The following TLL2 variants were observed in gnomAD, a reference collection of about 807,000 sequenced individuals.
TLL2 encodes the protein tolloid-like protein 2.
Under a neutral mutation model 123.0 loss-of-function variants are expected in TLL2, and 106 were observed. That is an observed-to-expected ratio of 0.86 (90% CI 0.74 to 1.01). TLL2 has a LOEUF of 1.01. Ranked by LOEUF, TLL2 falls within the 50% of genes least tolerant of loss-of-function variation. TLL2 has a pLI of 0.00. For synonymous variants in TLL2, 494 were observed against 516.8 expected, an observed-to-expected ratio of 0.96 and a Z score of 0.60; for missense variants, 1,332 against 1,336.7, an observed-to-expected ratio of 1.00 and a Z score of 0.06.
At chr10:96,481,031 T>C (rs980521176) in intron 1 of TLL2, among the ~76,000 whole-genome samples, 1 of 152,204 alleles carries the variant, frequency 6.6e-6, no homozygotes. Context: ...TCTGGGTTCA[T>C]GGGGATCACC....
rs1416451930 is a variant in TLL2 at position 96,387,082 on chromosome 10, G to T, written c.1727-4C>A. The T allele has an allele frequency of 5.6e-6, 9 of 1,612,250 alleles. No individual in the cohort carries two copies. Among genetic ancestry groups the T allele is most frequent in the Non-Finnish European group, 7.6e-6 (9 of 1,178,664 alleles). On this transcript the variant is annotated splice_region_variant and splice_polypyrimidine_tract_variant and intron_variant, in intron 13 of 20. Coordinates refer to ENST00000357947, the MANE Select transcript of TLL2 (RefSeq NM_012465.4). ...GGCCAGGAACACTCATCCACCTCTG[G>T]TGGGGAAGGAAGGTGACCCCGGTTA...
chr10:96,466,322 A>G (rs1380143290), intron 2 of TLL2, among the ~76,000 whole-genome samples: 4 of 152,212 alleles, frequency 2.6e-5, no homozygotes, highest in Admixed American at 6.5e-5. Flanking sequence ...GAAGATTCCA[A>G]TGGCAACTCC....
chr10:96,459,705 AATATATATATATAT>A lies in TLL2; in HGVS notation c.287-13551_287-13538del, dbSNP rs59654947. On this transcript the variant is annotated intron_variant, in intron 2 of 20. Transcript: ENST00000357947. ...AAAAAAAAAAAAAAAAAAAAAAAAA[AATATATATATATAT>A]ATATATATATATAGCAGCTAAAATG... Among the ~76,000 whole-genome samples the A allele has an allele frequency of 8.1e-4, 31 of 38,060 alleles. No homozygotes were observed. In the East Asian group the frequency reaches 0.023, roughly 28 times the overall value. 25.0% of individuals were successfully genotyped at this position (38,060 alleles called of 152,430 possible). A position where few individuals can be genotyped will look rare whatever the true frequency, so the allele number is the denominator to read the frequency against.
chr10:96,451,652 C>T (rs544219525), intron 2 of TLL2, among the ~76,000 whole-genome samples: 118 of 152,270 alleles, frequency 7.7e-4, no homozygotes, highest in Admixed American at 2.0e-3. Flanking sequence ...ACTTTAAATG[C>T]CAATTGTTTG....
chr10:96,461,507 A>G (rs866744984), intron 2 of TLL2, among the ~76,000 whole-genome samples: 2 of 152,090 alleles, frequency 1.3e-5, no homozygotes, highest in South Asian at 4.1e-4. Flanking sequence ...CGCCTTTCCA[A>G]CTTCTCTCCC....
At chr10:96,436,593 C>A (rs1846797133) in intron 3 of TLL2, among the ~76,000 whole-genome samples, 1 of 152,118 alleles carries the variant, frequency 6.6e-6, no homozygotes, top group Non-Finnish European at 1.5e-5. Flanking sequence ...GTTAAACATT[C>A]CAGATAAATT....
At chr10:96,488,184 C>T (rs1847375430) in intron 1 of TLL2, among the ~76,000 whole-genome samples, 1 of 152,242 alleles carries the variant, frequency 6.6e-6, no homozygotes, top group Non-Finnish European at 1.5e-5. Context: ...GATGGAGGAG[C>T]TGCACCCTGC....
At chr10:96,434,698 A>C (rs1846776102) in intron 3 of TLL2, among the ~76,000 whole-genome samples, 1 of 152,178 alleles carries the variant, frequency 6.6e-6, no homozygotes, top group South Asian at 2.1e-4. Context: ...TCTTGGGTAC[A>C]TGCCTGGGGT....
intron 9 of TLL2, among the ~76,000 whole-genome samples, chr10:96,406,963 C>A (rs558724632): frequency 6.2e-4 from 95 of 152,228 alleles, no homozygotes; most frequent in African/African-American, 2.2e-3. Flanking sequence ...CTGCCTCACC[C>A]CCTCCTGGAT....
chr10:96,382,321 G>A (rs1350679153), intron 16 of TLL2, among the ~76,000 whole-genome samples: 2 of 152,234 alleles, frequency 1.3e-5, no homozygotes, highest in Non-Finnish European at 2.9e-5. Context: ...GAGCCACCAT[G>A]CCCGGCCATG....
At chr10:96,488,863 C>T (rs1346544677) in intron 1 of TLL2, among the ~76,000 whole-genome samples, 3 of 152,192 alleles carry the variant, frequency 2.0e-5, no homozygotes, top group East Asian at 1.9e-4. Flanking sequence ...GAAACCCCTG[C>T]GTGGAAGGAA....
At chr10:96,390,886 C>T (rs1846281130) in intron 13 of TLL2, among the ~76,000 whole-genome samples, 2 of 152,142 alleles carry the variant, frequency 1.3e-5, no homozygotes, top group South Asian at 4.1e-4. Context: ...GCTGGATTTC[C>T]AAGACTTAGT....
chr10:96,506,342 T>G (rs1847580404), intron 1 of TLL2, among the ~76,000 whole-genome samples: 1 of 145,522 alleles, frequency 6.9e-6, no homozygotes, highest in Non-Finnish European at 1.5e-5. Context: ...AAAGCATGGG[T>G]ACAGAACCAC....
chr10:96,443,356 G>A (rs1181688703), intron 3 of TLL2, among the ~76,000 whole-genome samples: 2 of 152,146 alleles, frequency 1.3e-5, no homozygotes, highest in African/African-American at 2.4e-5. Flanking sequence ...TTCCCTCTGG[G>A]AAGCCAATCA....
At chr10:96,376,888 AG>A in intron 17 of TLL2, 69 bp from the exon 18 acceptor site, 10 of 1,441,724 alleles carry the variant, frequency 6.9e-6, no homozygotes, top group Non-Finnish European at 9.1e-6. Context: ...GAAGGATTCT[AG>A]GGGGGTCTCC....
chr10:96,454,232 G>A (rs1313136142), intron 2 of TLL2, among the ~76,000 whole-genome samples: 1 of 152,172 alleles, frequency 6.6e-6, no homozygotes, highest in East Asian at 1.9e-4. Context: ...GATGGGACCT[G>A]CCAGTGCTTT....
intron 18 of TLL2, among the ~76,000 whole-genome samples, chr10:96,374,876 A>G (rs1436900814): frequency 1.4e-5 from 2 of 148,082 alleles, no homozygotes; most frequent in Non-Finnish European, 3.0e-5. Context: ...CCCCAGCGTC[A>G]AGGGAGATGG....
chr10:96,397,153 G>T, intron 11 of TLL2, 33 bp downstream of exon 11: 1 of 1,571,974 alleles, frequency 6.4e-7, no homozygotes, highest in South Asian at 1.1e-5. Context: ...CTTATGAGGG[G>T]CCACCGAGCA....
Position 96,450,200 on chromosome 10 carries a change from T to TGGAC in TLL2, c.287-4036_287-4033dup, listed in dbSNP as rs1405338776. 3.1e-3 allele frequency among the ~76,000 whole-genome samples: 468 copies of TGGAC among 150,950 alleles called. 4 individuals are homozygous for TGGAC. The highest frequency in any genetic ancestry group is 0.011 in the African/African-American group (452 of 41,154). On this transcript the variant is annotated intron_variant, in intron 2 of 20. Transcript: ENST00000357947. ...ATGGATGGATGGATGGATGGATGGATGGACATACGAGTCACGTAGGCAGTG... is the reference window on the plus strand; with the variant it reads ...ATGGATGGATGGATGGATGGATGGATGGACGGACATACGAGTCACGTAGGCAGTG...
Sources: gnomAD v4.1 joint callset for allele counts (sites outside exome capture counted in the v4.1 genomes callset) on GRCh38, gnomAD v4.1.1 for gene constraint, MANE v1.5 for transcripts, NCBI Gene and HGNC (gene_info 2026-07-23, HGNC 2026-07-21) for gene names.